CNBD1: variants seen among roughly 807,000 people sequenced by gnomAD.
The protein encoded by CNBD1 is cyclic nucleotide-binding domain-containing protein 1.
A neutral mutation model predicts 54.4 loss-of-function variants in CNBD1; 71 were observed. The observed-to-expected ratio is 1.30, with a 90% CI of 1.08 to 1.59. The LOEUF (loss-of-function observed/expected upper bound fraction) is 1.59, where lower values mean the gene tolerates loss of function less well. Ranked by LOEUF, CNBD1 falls within the 40% of genes most tolerant of loss-of-function variation. CNBD1 has a pLI of 0.00. For missense variants in CNBD1, 659 were observed against 518.0 expected, an observed-to-expected ratio of 1.27 and a Z score of -2.64; for synonymous variants, 182 against 170.7, an observed-to-expected ratio of 1.07 and a Z score of -0.51.
At chr8:87,087,616 A>C (rs1368446455) in intron 4 of CNBD1, among the ~76,000 whole-genome samples, 1 of 151,442 alleles carries the variant, frequency 6.6e-6, no homozygotes, top group African/African-American at 2.4e-5. Context: ...GGCGCCAGCC[A>C]CCACGCCCGG....
At chr8:87,095,865 A>G (rs527409680) in intron 4 of CNBD1, among the ~76,000 whole-genome samples, 3 of 152,234 alleles carry the variant, frequency 2.0e-5, no homozygotes, top group African/African-American at 7.2e-5. Context: ...TCACTGTGTT[A>G]GCCAGGATGG....
chr8:87,301,024 C>G (rs1808977373), intron 8 of CNBD1, among the ~76,000 whole-genome samples: 1 of 152,034 alleles, frequency 6.6e-6, no homozygotes, highest in African/African-American at 2.4e-5. Flanking sequence ...GATATTACAA[C>G]TGACACCACT....
intron 4 of CNBD1, among the ~76,000 whole-genome samples, chr8:87,146,174 T>C (rs1812483541): frequency 6.6e-6 from 1 of 152,108 alleles, no homozygotes. Context: ...CAATTATAAT[T>C]ATAGACTTTT....
At chr8:87,343,179 T>C (rs1392730883) in intron 8 of CNBD1, among the ~76,000 whole-genome samples, 1 of 152,218 alleles carries the variant, frequency 6.6e-6, no homozygotes, top group African/African-American at 2.4e-5. Context: ...GACCTTATGG[T>C]TATCTTTCCT....
chr8:87,145,491 A>C (rs1812464090), intron 4 of CNBD1, among the ~76,000 whole-genome samples: 1 of 152,192 alleles, frequency 6.6e-6, no homozygotes, highest in East Asian at 1.9e-4. Flanking sequence ...AATAAAAATC[A>C]TAGGCAAATA....
At chr8:86,971,019 A>T (rs535708571) in intron 4 of CNBD1, among the ~76,000 whole-genome samples, 1 of 152,272 alleles carries the variant, frequency 6.6e-6, no homozygotes, top group Admixed American at 6.5e-5. Context: ...GTCCTTGGAC[A>T]TTTCAATTAT....
intron 6 of CNBD1, among the ~76,000 whole-genome samples, chr8:87,260,740 C>A (rs1220150685): frequency 2.0e-5 from 3 of 150,642 alleles, no homozygotes; most frequent in Non-Finnish European, 3.0e-5. Context: ...AAATCTTTTT[C>A]TTTTTTTTTC....
At chr8:87,200,279 CA>C (rs1813830100) in intron 4 of CNBD1, among the ~76,000 whole-genome samples, 2 of 152,068 alleles carry the variant, frequency 1.3e-5, no homozygotes, top group Non-Finnish European at 2.9e-5. Flanking sequence ...AGTAGAAACA[CA>C]AAAAGCTCCA....
intron 4 of CNBD1, among the ~76,000 whole-genome samples, chr8:87,188,370 G>C (rs2130783461): frequency 6.6e-6 from 1 of 152,182 alleles, no homozygotes; most frequent in East Asian, 1.9e-4. Context: ...CTCTATCTTT[G>C]TTATATGCCA....
intron 2 of CNBD1, among the ~76,000 whole-genome samples, chr8:86,889,595 T>G (rs1258171092): frequency 6.6e-6 from 1 of 152,130 alleles, no homozygotes; most frequent in African/African-American, 2.4e-5. Flanking sequence ...AAGTTTCTTC[T>G]GTTAGAATAA....
intron 5 of CNBD1, among the ~76,000 whole-genome samples, chr8:87,235,038 CT>C (rs1807556832): frequency 6.6e-6 from 1 of 152,170 alleles, no homozygotes; most frequent in Non-Finnish European, 1.5e-5. Flanking sequence ...TGTCTTCTAT[CT>C]TTAAACCTCA....
intron 8 of CNBD1, among the ~76,000 whole-genome samples, chr8:87,299,920 A>G (rs538527792): frequency 6.6e-6 from 1 of 152,288 alleles, no homozygotes; most frequent in Admixed American, 6.5e-5. Context: ...CTCCTTCCAC[A>G]TATAACATTC....
chr8:86,988,432 T>G (rs1808660421), intron 4 of CNBD1, among the ~76,000 whole-genome samples: 1 of 152,148 alleles, frequency 6.6e-6, no homozygotes, highest in Non-Finnish European at 1.5e-5. Context: ...ATGAGATATT[T>G]TAATATAGGC....
intron 6 of CNBD1, among the ~76,000 whole-genome samples, chr8:87,245,819 ATTG>A (rs1370090545): frequency 6.6e-6 from 1 of 151,944 alleles, no homozygotes; most frequent in Non-Finnish European, 1.5e-5. Flanking sequence ...TTTTAAATAT[ATTG>A]TTGATATTCT....
At chr8:87,083,899 T>A (rs1172565483) in intron 4 of CNBD1, among the ~76,000 whole-genome samples, 1 of 152,124 alleles carries the variant, frequency 6.6e-6, no homozygotes, top group Non-Finnish European at 1.5e-5. Flanking sequence ...AACCAATGTA[T>A]TTCTTAAGTG....
At chr8:87,267,844 A>G (rs1057413880) in intron 6 of CNBD1, among the ~76,000 whole-genome samples, 1 of 152,204 alleles carries the variant, frequency 6.6e-6, no homozygotes, top group African/African-American at 2.4e-5. Flanking sequence ...TATAGTTAAG[A>G]AACTTAATCT....
At chr8:87,268,649 C>CATTGTG (rs1467207390) in intron 6 of CNBD1, among the ~76,000 whole-genome samples, 1 of 152,030 alleles carries the variant, frequency 6.6e-6, no homozygotes, top group Non-Finnish European at 1.5e-5. Flanking sequence ...GATGGTATTT[C>CATTGTG]ATTGTGATTT....
chr8:87,176,077 G>A (rs770732232), intron 4 of CNBD1, among the ~76,000 whole-genome samples: 3 of 152,224 alleles, frequency 2.0e-5, no homozygotes, highest in East Asian at 3.9e-4. Flanking sequence ...CGTGACCGCT[G>A]CAGGGGCAGG....
intron 2 of CNBD1, among the ~76,000 whole-genome samples, chr8:87,390,129 T>C (rs1811277365): frequency 6.6e-6 from 1 of 151,624 alleles, no homozygotes; most frequent in Non-Finnish European, 1.5e-5. Flanking sequence ...ACGTTAGACC[T>C]AAAACCATAA....
Sources: allele counts gnomAD v4.1 joint callset (sites outside exome capture counted in the v4.1 genomes callset), GRCh38; gene constraint gnomAD v4.1.1; transcripts MANE v1.5; gene names NCBI Gene and HGNC (gene_info 2026-07-23, HGNC 2026-07-21).